The following MTHFD2L variants were observed in gnomAD, a reference collection of about 807,000 sequenced individuals.
MTHFD2L encodes the protein methylenetetrahydrofolate dehydrogenase (NADP+ dependent) 2 like.
Under a neutral mutation model 34.9 loss-of-function variants are expected in MTHFD2L, and 29 were observed. The observed-to-expected ratio is 0.83, with a 90% confidence interval of 0.62 to 1.13. MTHFD2L has a LOEUF of 1.13. Ranked by LOEUF, MTHFD2L falls within the 50% of genes most tolerant of loss-of-function variation. MTHFD2L has a pLI of 0.00. For synonymous variants in MTHFD2L, 167 were observed against 155.7 expected (o/e 1.07, Z -0.54); for missense variants, 481 against 446.5 (o/e 1.08, Z -0.70).
intron 7 of MTHFD2L, among the ~76,000 whole-genome samples, chr4:74,290,716 C>T (rs1417297199): frequency 6.6e-6 from 1 of 151,814 alleles, no homozygotes; most frequent in Admixed American, 6.6e-5. Context: ...AAGTATTAAC[C>T]CAGAAGTATA....
At chr4:74,275,328 T>A (rs1746473352) in intron 6 of MTHFD2L, among the ~76,000 whole-genome samples, 1 of 152,228 alleles carries the variant, frequency 6.6e-6, no homozygotes, top group South Asian at 2.1e-4. Flanking sequence ...TACCACATTT[T>A]CTTTATCCAG....
At position 74,150,340 on chromosome 4, in the gene MTHFD2L, A is replaced by T. The variant is rs1487127252; in HGVS notation, c.-296-9715A>T. ...GCGATCTCAGCTCACTGCAACTTCC[A>T]CTTCCCAGGTTCAAGCGATTCTCCT... On this transcript the variant is annotated intron_variant, in intron 1 of 7. Transcript: ENST00000433372. 2.0e-5 allele frequency among the ~76,000 whole-genome samples: 3 copies of T among 152,128 alleles called. No individual in the cohort carries two copies. The South Asian group carries it at 6.2e-4, about 31-fold the overall frequency.
intron 6 of MTHFD2L, among the ~76,000 whole-genome samples, chr4:74,255,997 T>A (rs1743977974): frequency 6.6e-6 from 1 of 152,244 alleles, no homozygotes; most frequent in Admixed American, 6.5e-5. Flanking sequence ...ATTTGTTTCC[T>A]TTTGGATAAT....
At chr4:74,169,778 T>C (rs1288332594) in intron 1 of MTHFD2L, among the ~76,000 whole-genome samples, 1 of 152,190 alleles carries the variant, frequency 6.6e-6, no homozygotes, top group East Asian at 1.9e-4. Flanking sequence ...TAAAATATCC[T>C]TACCAGAAAT....
Position 74,225,401 on chromosome 4 carries a change from C to A in MTHFD2L, c.805+7C>A, listed in dbSNP as rs375307469. The A allele has an allele frequency of 3.7e-6, 6 of 1,606,744 alleles. No homozygotes were observed. Among genetic ancestry groups the A allele is most frequent in the Non-Finnish European group, 4.3e-6 (5 of 1,174,810 alleles). On this transcript the variant is annotated splice_region_variant and intron_variant, in intron 6 of 7. Transcript: ENST00000325278. Reference sequence around the variant, plus strand: ...ATTATCATAGTTGCTGCAGGTAAGTCCTTAGTGACTGTTATTTTTTGGAAT... The same window carrying A: ...ATTATCATAGTTGCTGCAGGTAAGTACTTAGTGACTGTTATTTTTTGGAAT...
At chr4:74,145,107 A>T (rs911310966) in intron 1 of MTHFD2L, among the ~76,000 whole-genome samples, 5 of 152,082 alleles carry the variant, frequency 3.3e-5, no homozygotes, top group Non-Finnish European at 7.4e-5. Flanking sequence ...TCAACATTGC[A>T]GTAGGTTCCA....
At chr4:74,276,013 T>C (rs1292944152) in intron 6 of MTHFD2L, among the ~76,000 whole-genome samples, 1 of 152,148 alleles carries the variant, frequency 6.6e-6, no homozygotes, top group Admixed American at 6.6e-5. Context: ...TCATTGTAAG[T>C]CTTTGTCCAT....
intron 6 of MTHFD2L, among the ~76,000 whole-genome samples, chr4:74,246,306 C>CAT (rs1378400951): frequency 6.6e-6 from 1 of 151,792 alleles, no homozygotes; most frequent in Non-Finnish European, 1.5e-5. Context: ...ATGTCCTTTG[C>CAT]CCACTTTTTG....
chr4:74,286,853 T>C (rs16850847), intron 7 of MTHFD2L, among the ~76,000 whole-genome samples: 6,657 of 152,204 alleles, frequency 0.044, 446 homozygotes, highest in African/African-American at 0.15. Context: ...TTTCCACTTA[T>C]TGGTTTATAC....
At chr4:74,154,370 A>G (rs1044413793), upstream of MTHFD2L, among the ~76,000 whole-genome samples, 5 of 152,170 alleles carry the variant, frequency 3.3e-5, no homozygotes, top group Non-Finnish European at 7.4e-5. Flanking sequence ...TTCCCATTTA[A>G]GAAGTGAAGA....
intron 3 of MTHFD2L, among the ~76,000 whole-genome samples, chr4:74,176,872 A>G (rs914468527): frequency 9.2e-5 from 14 of 152,066 alleles, no homozygotes; most frequent in African/African-American, 3.1e-4. Context: ...GTAAAGCTAT[A>G]TAATGCTATT....
rs539082469 is a variant in MTHFD2L at position 74,293,591 on chromosome 4, G to A, written c.932-8106G>A. ...AGAAGAAATATAGTAAATTCCCTCC[G>A]GAGCACTTGATTCCTGGTTGCCTTC... On this transcript the variant is annotated intron_variant, in intron 7 of 7. Coordinates refer to ENST00000325278, the MANE Select transcript of MTHFD2L (RefSeq NM_001144978.3). 4.9e-4 allele frequency: 447 copies of A among 903,986 alleles called. 8 individuals are homozygous for A. In the South Asian group the frequency reaches 0.018, roughly 36 times the overall value. 56.0% of individuals were successfully genotyped at this position (903,986 alleles called of 1,614,324 possible).
chr4:74,115,298 C>G (rs375579053), intron 2 of MTHFD2L, among the ~76,000 whole-genome samples: 3 of 152,272 alleles, frequency 2.0e-5, no homozygotes, highest in African/African-American at 7.2e-5. Flanking sequence ...CTAAGTGTGG[C>G]AATATCTGTC....
intron 1 of MTHFD2L, among the ~76,000 whole-genome samples, chr4:74,141,266 G>A (rs1723260261): frequency 6.6e-6 from 1 of 152,166 alleles, no homozygotes; most frequent in Non-Finnish European, 1.5e-5. Context: ...GATTACTACT[G>A]TAGAAAGGAT....
At position 74,238,036 on chromosome 4, in the gene MTHFD2L, TTTA is replaced by T. The variant is rs1267088932; in HGVS notation, c.805+12646_805+12648del. 2.0e-5 allele frequency among the ~76,000 whole-genome samples: 3 copies of T among 152,182 alleles called. No homozygotes were observed. The East Asian group carries it at 5.8e-4, about 29-fold the overall frequency. On this transcript the variant is annotated intron_variant, in intron 6 of 7. Coordinates refer to ENST00000325278, the MANE Select transcript of MTHFD2L (RefSeq NM_001144978.3). ...GTTGACTATCAGAAAGTGAAACAAT[TTTA>T]TTAGATCTATAGTCATTATTAATTG...
At chr4:74,168,646 A>C (rs769326114) in intron 1 of MTHFD2L, among the ~76,000 whole-genome samples, 6 of 152,158 alleles carry the variant, frequency 3.9e-5, no homozygotes, top group Non-Finnish European at 1.5e-5. Context: ...TTCAGCACAT[A>C]GGAGACTTTC....
At chr4:74,268,318 T>G in intron 6 of MTHFD2L, 1 of 889,992 alleles carries the variant, frequency 1.1e-6, no homozygotes, top group Non-Finnish European at 1.3e-6. Context: ...CCACTCTAAT[T>G]ATTATCTTTA....
At chr4:74,177,361 TTTCTC>T (rs1729249617) in intron 3 of MTHFD2L, among the ~76,000 whole-genome samples, 1 of 151,976 alleles carries the variant, frequency 6.6e-6, no homozygotes, top group African/African-American at 2.4e-5. Context: ...TTTTTGAAAT[TTTCTC>T]TACTTGGCAT....
chr4:74,219,909 T>C (rs1737859762), intron 5 of MTHFD2L, among the ~76,000 whole-genome samples: 1 of 152,054 alleles, frequency 6.6e-6, no homozygotes, highest in African/African-American at 2.4e-5. Flanking sequence ...AGGAGTGAAA[T>C]TACCTACAAG....
Sources: gnomAD v4.1 joint callset for allele counts (sites outside exome capture counted in the v4.1 genomes callset) on GRCh38, gnomAD v4.1.1 for gene constraint, MANE v1.5 for transcripts, NCBI Gene and HGNC (gene_info 2026-07-23, HGNC 2026-07-21) for gene names.